Variants in SLC60A2 observed in about 807,000 individuals in gnomAD.
The protein encoded by SLC60A2 is solute carrier family 60 member 2.
the SLC60A2 span, chr6:111,266,935 A>C: frequency 1.2e-6 from 2 of 1,614,070 alleles, no homozygotes; most frequent in East Asian, 2.2e-5. Flanking sequence ...GAAATGATTG[A>C]AACGAATGAT....
At chr6:111,266,315 T>C in the SLC60A2 span, 22 of 1,613,990 alleles carry the variant, frequency 1.4e-5, no homozygotes, top group African/African-American at 6.7e-5. Flanking sequence ...ATGGCTCTTA[T>C]GTTTTCTCAT....
chr6:111,268,844 C>T, the SLC60A2 span: 1 of 152,164 alleles, frequency 6.6e-6, no homozygotes, highest in East Asian at 1.9e-4. Context: ...TAGAAGGTGA[C>T]TGGGTAGCCT....
At chr6:111,272,422 A>G in the SLC60A2 span, among the ~76,000 whole-genome samples, 1 of 151,866 alleles carries the variant, frequency 6.6e-6, no homozygotes, top group African/African-American at 2.4e-5. Context: ...ATCTTGTGCT[A>G]TAGCTGTTTT....
At chr6:111,262,513 ATGGT>A in the SLC60A2 span, 38 of 1,286,182 alleles carry the variant, frequency 3.0e-5, no homozygotes, top group African/African-American at 5.3e-4. Context: ...AGCATGCAGA[ATGGT>A]TGGCCACTGA....
At chr6:111,265,559 TTTC>T in the SLC60A2 span, 2 of 172,848 alleles carry the variant, frequency 1.2e-5, no homozygotes, top group Non-Finnish European at 2.3e-5. Flanking sequence ...TATATAAATA[TTTC>T]TTCTGCAGTC....
At chr6:111,273,562 T>C in the SLC60A2 span, among the ~76,000 whole-genome samples, 35 of 152,054 alleles carry the variant, frequency 2.3e-4, no homozygotes, top group African/African-American at 8.0e-4. Flanking sequence ...GAAGAATGTT[T>C]ATTCTGTAGC....
chr6:111,264,379 C>T, the SLC60A2 span, among the ~76,000 whole-genome samples: 1 of 151,780 alleles, frequency 6.6e-6, no homozygotes, highest in African/African-American at 2.4e-5. Flanking sequence ...TTTACCCTGA[C>T]TTCCAAGCCA....
At chr6:111,266,493 T>C in the SLC60A2 span, 7 of 1,614,230 alleles carry the variant, frequency 4.3e-6, 1 homozygote, top group South Asian at 7.7e-5. Context: ...TTCATCTTTA[T>C]TTCTGGTGCT....
the SLC60A2 span, chr6:111,263,990 TAGA>T: frequency 5.0e-6 from 5 of 1,006,128 alleles, no homozygotes; most frequent in African/African-American, 1.6e-5. Context: ...AGGGACTTGC[TAGA>T]AGAAGTACAG....
chr6:111,271,481 A>G, the SLC60A2 span, among the ~76,000 whole-genome samples: 1 of 152,092 alleles, frequency 6.6e-6, no homozygotes, highest in African/African-American at 2.4e-5. Context: ...ATTCTCCATC[A>G]GATAAAGTAT....
the SLC60A2 span, among the ~76,000 whole-genome samples, chr6:111,274,253 A>G: frequency 2.0e-5 from 3 of 152,150 alleles, no homozygotes; most frequent in Non-Finnish European, 4.4e-5. Context: ...ATCATTATAT[A>G]ATGATTTTCT....
At chr6:111,277,096 C>A in the SLC60A2 span, among the ~76,000 whole-genome samples, 1 of 152,160 alleles carries the variant, frequency 6.6e-6, no homozygotes, top group African/African-American at 2.4e-5. Context: ...CTACTTCTAC[C>A]CTCCTACTCC....
the SLC60A2 span, among the ~76,000 whole-genome samples, chr6:111,263,018 A>T: frequency 3.4e-4 from 51 of 151,436 alleles, no homozygotes; most frequent in African/African-American, 1.2e-3. Flanking sequence ...GCTCACTGCA[A>T]CCTCCCCCTC....
chr6:111,274,972 G>A, the SLC60A2 span, among the ~76,000 whole-genome samples: 45 of 152,090 alleles, frequency 3.0e-4, no homozygotes, highest in East Asian at 6.0e-3. Context: ...GCCCATCATG[G>A]AGTGCAGTGG....
chr6:111,266,665 C>A, the SLC60A2 span: 2 of 1,614,210 alleles, frequency 1.2e-6, no homozygotes, highest in Non-Finnish European at 1.7e-6. Flanking sequence ...GGAGAAATGG[C>A]TATTCCTGCA....
At chr6:111,264,026 T>TG in the SLC60A2 span, 1 of 704,180 alleles carries the variant, frequency 1.4e-6, no homozygotes, top group Non-Finnish European at 2.5e-6. Context: ...AACTGTCACT[T>TG]GCAATGCCCC....
the SLC60A2 span, among the ~76,000 whole-genome samples, chr6:111,279,094 C>G: frequency 6.6e-6 from 1 of 152,148 alleles, no homozygotes; most frequent in Non-Finnish European, 1.5e-5. Flanking sequence ...CTCCTCCTCC[C>G]CAATCCCCCG....
chr6:111,263,777 G>T, the SLC60A2 span: 1 of 923,754 alleles, frequency 1.1e-6, no homozygotes, highest in South Asian at 1.5e-5. Flanking sequence ...ATATTGACTT[G>T]ATCCATGACT....
At chr6:111,277,580 C>T in the SLC60A2 span, among the ~76,000 whole-genome samples, 20 of 152,142 alleles carry the variant, frequency 1.3e-4, no homozygotes, top group Admixed American at 1.3e-3. Context: ...TTGCCTTCAC[C>T]AAGCTTATGT....
Sources: allele counts gnomAD v4.1 joint callset (sites outside exome capture counted in the v4.1 genomes callset), GRCh38; gene constraint gnomAD v4.1.1; transcripts MANE v1.5; gene names NCBI Gene and HGNC (gene_info 2026-07-23, HGNC 2026-07-21).